NEDD4L: variants seen among roughly 807,000 people sequenced by gnomAD.
NEDD4L encodes the protein NEDD4 like E3 ubiquitin protein ligase, also known as E3 ubiquitin-protein ligase NEDD4-like.
NEDD4L carries 54 observed loss-of-function variants against 148.9 expected under a neutral mutation model. The observed-to-expected ratio is 0.36, with a 90% confidence interval of 0.29 to 0.45. The LOEUF (loss-of-function observed/expected upper bound fraction) is 0.45, where lower values mean the gene tolerates loss of function less well. Ranked by LOEUF, NEDD4L falls within the 20% of genes least tolerant of loss-of-function variation. The pLI, the probability that NEDD4L is intolerant of heterozygous loss-of-function variation, is 1.00. For missense variants in NEDD4L, 856 were observed against 1,233.8 expected (o/e 0.69, Z 4.59); for synonymous variants, 433 against 440.7 (o/e 0.98, Z 0.22).
chr18:58,150,556 G>A (rs1291824099), intron 1 of NEDD4L, among the ~76,000 whole-genome samples: 2 of 149,210 alleles, frequency 1.3e-5, no homozygotes, highest in Non-Finnish European at 3.0e-5. Flanking sequence ...CTTCTGGTTT[G>A]AAACTTTTGT....
intron 5 of NEDD4L, among the ~76,000 whole-genome samples, chr18:58,311,616 A>T (rs2057704876): frequency 6.6e-6 from 1 of 152,168 alleles, no homozygotes; most frequent in South Asian, 2.1e-4. Context: ...TCTTGAAAGG[A>T]ATAGGGTGGG....
chr18:58,089,415 G>A (rs1300348681), intron 1 of NEDD4L, among the ~76,000 whole-genome samples: 4 of 152,014 alleles, frequency 2.6e-5, no homozygotes, highest in Non-Finnish European at 5.9e-5. Context: ...GATTACAGGC[G>A]TGAACCACGA....
chr18:58,255,481 T>C, intron 5 of NEDD4L: 1 of 1,228,956 alleles, frequency 8.1e-7, no homozygotes, highest in Non-Finnish European at 1.0e-6. Flanking sequence ...CGCTTGCCAC[T>C]TGGGTTATTT....
At chr18:58,392,855 G>C (rs2050012671) in intron 30 of NEDD4L, among the ~76,000 whole-genome samples, 1 of 152,208 alleles carries the variant, frequency 6.6e-6, no homozygotes, top group Non-Finnish European at 1.5e-5. Context: ...CCAGGATGAA[G>C]ATTAGGAAAA....
intron 2 of NEDD4L, among the ~76,000 whole-genome samples, chr18:58,188,845 A>T (rs1002303734): frequency 6.6e-6 from 1 of 152,246 alleles, no homozygotes; most frequent in African/African-American, 2.4e-5. Context: ...AGAGAAAATG[A>T]TTGCATGGCC....
chr18:58,296,599 G>T (rs1193983357), intron 5 of NEDD4L, among the ~76,000 whole-genome samples: 1 of 152,170 alleles, frequency 6.6e-6, no homozygotes, highest in Non-Finnish European at 1.5e-5. Context: ...CCTCTGCTGT[G>T]TCAGATCTCC....
rs1392170399 is a variant in NEDD4L, at chr18:58,396,271, C to T, written c.*2C>T. ...CAAGGATTTGAAGGGGTGGATTAAG[C>T]ACCCTGTGCCTCGGGGGTGGTTGTT... is the stretch of plus-strand genomic sequence containing the variant. On this transcript the variant is annotated 3_prime_UTR_variant, in exon 31 of 31. Coordinates refer to ENST00000400345, the MANE Select transcript of NEDD4L (RefSeq NM_001144967.3). 1.9e-6 allele frequency: 3 copies of T among 1,597,512 alleles called. No homozygotes were observed. Among genetic ancestry groups the T allele is most frequent in the East Asian group, 2.2e-5 (1 of 44,756 alleles).
At chr18:58,144,409 C>T (rs951508597) in intron 1 of NEDD4L, among the ~76,000 whole-genome samples, 4 of 152,016 alleles carry the variant, frequency 2.6e-5, no homozygotes, top group African/African-American at 9.7e-5. Context: ...TGAGAACTCA[C>T]CATTGCCAGA....
At position 58,099,662 on chromosome 18, in the gene NEDD4L, A is replaced by G. The variant is rs368925987; in HGVS notation, c.48+54954A>G. The stretch of plus-strand genomic sequence containing the variant: ...AACACCAGCGGGTGCTGTCCACATT[A>G]AAACCAGGAGGTCTGCTTCATTGGT... On this transcript the variant is annotated intron_variant, in intron 1 of 30. Transcript: ENST00000400345. Among the ~76,000 whole-genome samples the G allele has an allele frequency of 1.2e-4, 18 of 152,340 alleles. No homozygotes were observed. The East Asian group carries it at 2.7e-3, about 23-fold the overall frequency.
At chr18:58,384,915 G>A (rs541475175) in intron 25 of NEDD4L, among the ~76,000 whole-genome samples, 10 of 152,308 alleles carry the variant, frequency 6.6e-5, no homozygotes, top group South Asian at 2.1e-4. Context: ...AAACACTGTC[G>A]CAGGGAACTT....
intron 1 of NEDD4L, among the ~76,000 whole-genome samples, chr18:58,128,633 A>T (rs1056375932): frequency 2.0e-5 from 3 of 152,162 alleles, no homozygotes; most frequent in African/African-American, 4.8e-5. Flanking sequence ...GATGCTGGAA[A>T]TCCTGGCGGG....
intron 2 of NEDD4L, among the ~76,000 whole-genome samples, chr18:58,169,145 C>T (rs1237758758): frequency 6.6e-6 from 1 of 152,224 alleles, no homozygotes; most frequent in Non-Finnish European, 1.5e-5. Flanking sequence ...TGCCCTTGTC[C>T]TTTTCGGCCG....
chr18:58,204,943 G>C (rs1313581161), intron 2 of NEDD4L, among the ~76,000 whole-genome samples: 3 of 152,142 alleles, frequency 2.0e-5, no homozygotes, highest in Admixed American at 2.0e-4. Context: ...AAAATGGCAG[G>C]GGAGGAACTC....
chr18:58,138,210 T>A (rs957758078), intron 1 of NEDD4L, among the ~76,000 whole-genome samples: 2 of 152,248 alleles, frequency 1.3e-5, no homozygotes, highest in African/African-American at 4.8e-5. Context: ...ATAAATAGGA[T>A]TCACTAAATG....
intron 1 of NEDD4L, among the ~76,000 whole-genome samples, chr18:58,139,460 T>C (rs1316487140): frequency 6.6e-6 from 1 of 152,162 alleles, no homozygotes; most frequent in African/African-American, 2.4e-5. Context: ...TTAGGATTAT[T>C]AGGAATGTTG....
At chr18:58,255,506 TC>T in intron 5 of NEDD4L, 1 of 1,230,968 alleles carries the variant, frequency 8.1e-7, no homozygotes. Flanking sequence ...TATCTGTCGC[TC>T]CCGGTGCCGC....
At chr18:58,173,744 A>G (rs987270266) in intron 2 of NEDD4L, among the ~76,000 whole-genome samples, 3 of 152,238 alleles carry the variant, frequency 2.0e-5, no homozygotes, top group East Asian at 1.9e-4. Flanking sequence ...ATATTTCTAT[A>G]TAACTGTAGT....
At chr18:58,064,166 G>T (rs903939899) in intron 1 of NEDD4L, among the ~76,000 whole-genome samples, 2 of 151,566 alleles carry the variant, frequency 1.3e-5, no homozygotes, top group East Asian at 2.0e-4. Flanking sequence ...GGGTTTCACC[G>T]TGTTAGCCAG....
chr18:58,330,569 A>G (rs2059706091), intron 10 of NEDD4L, among the ~76,000 whole-genome samples, 169 bp from the exon 11 acceptor site: 1 of 151,988 alleles, frequency 6.6e-6, no homozygotes, highest in African/African-American at 2.4e-5. Context: ...TAATTGGGGG[A>G]GTTATCTTCC....
Sources: gnomAD v4.1 joint callset for allele counts (sites outside exome capture counted in the v4.1 genomes callset) on GRCh38, gnomAD v4.1.1 for gene constraint, MANE v1.5 for transcripts, NCBI Gene and HGNC (gene_info 2026-07-23, HGNC 2026-07-21) for gene names.